Variants in MAP2K6 observed in about 807,000 individuals in gnomAD.
MAP2K6 encodes the protein mitogen-activated protein kinase kinase 6, also known as dual specificity mitogen-activated protein kinase kinase 6.
A neutral mutation model predicts 53.7 loss-of-function variants in MAP2K6; 16 were observed. The observed-to-expected ratio is 0.30, with a 90% CI of 0.20 to 0.45. The LOEUF is 0.45. Among genes scored for constraint, MAP2K6 ranks in the 20% least tolerant of loss-of-function variants. The probability of loss-of-function intolerance (pLI) is 1.00; values close to 1 mark genes in which losing one functional copy is unlikely to be tolerated. For missense variants in MAP2K6, 204 were observed against 411.9 expected (o/e 0.50, Z 4.37); for synonymous variants, 132 against 143.1 (o/e 0.92, Z 0.55).
chr17:69,449,535 T>G (rs535782494), intron 1 of MAP2K6, among the ~76,000 whole-genome samples: 5 of 76,784 alleles, frequency 6.5e-5, no homozygotes, highest in East Asian at 3.1e-4. Flanking sequence ...TTCTTTGTCT[T>G]TCTTTCTTTC....
At chr17:69,416,134 C>G (rs192235853) in intron 1 of MAP2K6, among the ~76,000 whole-genome samples, 17 of 152,244 alleles carry the variant, frequency 1.1e-4, no homozygotes, top group Admixed American at 6.5e-4. Flanking sequence ...CTACCCGGGG[C>G]ACTCTTTGAG....
At chr17:69,444,792 TAAAAG>T (rs1414826411) in intron 1 of MAP2K6, among the ~76,000 whole-genome samples, 2 of 152,104 alleles carry the variant, frequency 1.3e-5, no homozygotes, top group Non-Finnish European at 2.9e-5. Context: ...TCACCAAACA[TAAAAG>T]GGAATGAAGA....
At chr17:69,507,082 C>T (rs116709453) in intron 2 of MAP2K6, among the ~76,000 whole-genome samples, 1 of 151,778 alleles carries the variant, frequency 6.6e-6, no homozygotes. Flanking sequence ...ATGTGGCCTA[C>T]TTTTACTACC....
At position 69,494,941 on chromosome 17, in the gene MAP2K6, G is replaced by T. The variant is rs533979392; in HGVS notation, c.17-10839G>T. ...CATCGCTTGAACCTGGGAGGTGGAGGTTGCCGTGAGCCGAGATCGCGACAT... is the reference window on the plus strand; with the variant it reads ...CATCGCTTGAACCTGGGAGGTGGAGTTTGCCGTGAGCCGAGATCGCGACAT... On this transcript the variant is annotated intron_variant, in intron 1 of 11. Transcript: ENST00000590474. This position sits in a 1 kb window ranked among gnomAD's most constrained non-coding sequence, Gnocchi z 4.2. Among the ~76,000 whole-genome samples the T allele has an allele frequency of 6.6e-6, 1 of 151,902 alleles. No individual in the cohort carries two copies. The highest frequency in any genetic ancestry group is 2.0e-4 in the East Asian group (1 of 5,124).
chr17:69,479,423 A>T (rs2145189897), intron 1 of MAP2K6, among the ~76,000 whole-genome samples: 1 of 152,232 alleles, frequency 6.6e-6, no homozygotes, highest in South Asian at 2.1e-4. Context: ...ATTACCTTCA[A>T]GCTATGTGTA....
intron 11 of MAP2K6, among the ~76,000 whole-genome samples, chr17:69,540,099 G>A (rs1352917774): frequency 1.3e-5 from 2 of 152,066 alleles, no homozygotes; most frequent in Non-Finnish European, 2.9e-5. Context: ...TTATTTCTTT[G>A]TTCCTTTCCC....
chr17:69,506,128 A>G (rs1188502757), intron 2 of MAP2K6, among the ~76,000 whole-genome samples: 1 of 152,232 alleles, frequency 6.6e-6, no homozygotes, highest in Admixed American at 6.5e-5. Context: ...AGGCCCCTGG[A>G]TGTGAACTTC....
chr17:69,446,506 C>T (rs1906967815), intron 1 of MAP2K6, among the ~76,000 whole-genome samples: 1 of 152,192 alleles, frequency 6.6e-6, no homozygotes, highest in Non-Finnish European at 1.5e-5. Flanking sequence ...TTACTGTATT[C>T]CAGAGCTCTC....
At chr17:69,497,185 T>C (rs147372231) in intron 1 of MAP2K6, among the ~76,000 whole-genome samples, 12 of 152,240 alleles carry the variant, frequency 7.9e-5, no homozygotes, top group African/African-American at 2.6e-4. Context: ...ACATGGGCCC[T>C]GACTTCAAAG....
At chr17:69,446,772 C>T (rs1414363377) in intron 1 of MAP2K6, among the ~76,000 whole-genome samples, 7 of 152,126 alleles carry the variant, frequency 4.6e-5, no homozygotes, top group Non-Finnish European at 8.8e-5. Context: ...CATGCACGAA[C>T]GCCTCCTCCA....
chr17:69,536,098 ATT>A lies in MAP2K6; in HGVS notation c.882-9_882-8del. The A allele has an allele frequency of 6.6e-7, 1 of 1,526,688 alleles. No individual in the cohort carries two copies. The highest frequency in any genetic ancestry group is 1.7e-5 in the Admixed American group (1 of 58,324). The allele number at this position is 1,526,688 out of a possible 1,614,324, so 94.6% of individuals were successfully genotyped here. A position where few individuals can be genotyped will look rare whatever the true frequency, so the allele number is the denominator to read the frequency against. On this transcript the variant is annotated splice_polypyrimidine_tract_variant and intron_variant, in intron 10 of 11. Transcript: ENST00000590474. ...ATATGGCTTCTAGATTTTAATGATT[ATT>A]TTTTTTTCTTTAAGCTTAAAGAAGA...
intron 7 of MAP2K6, among the ~76,000 whole-genome samples, chr17:69,522,890 C>CA (rs34231223): frequency 0.082 from 8,096 of 98,700 alleles, 488 homozygotes; most frequent in East Asian, 0.29. Flanking sequence ...TCCTGTCTGT[C>CA]AAAAAAAAAA....
At chr17:69,529,763 A>G (rs1910983645) in intron 10 of MAP2K6, among the ~76,000 whole-genome samples, 1 of 152,040 alleles carries the variant, frequency 6.6e-6, no homozygotes, top group Non-Finnish European at 1.5e-5. Context: ...GCCCCGCCTC[A>G]GCCTCCCAAA....
rs141045228 is a variant in MAP2K6, at chr17:69,522,435, T to G, written c.536-1079T>G. ...AATAATAAAATGAAATTTGTGTATC[T>G]TCTAGCTTAAAGGGAAAATTATAAA... On this transcript the variant is annotated intron_variant, in intron 7 of 11. Coordinates refer to ENST00000590474, the MANE Select transcript of MAP2K6 (RefSeq NM_002758.4). Among the ~76,000 whole-genome samples, 1,164 of 152,324 alleles carry G rather than the reference T, an allele frequency of 7.6e-3. 15 individuals carry two copies. Among genetic ancestry groups the G allele is most frequent in the African/African-American group, 0.027 (1,117 of 41,560 alleles).
Position 69,462,605 on chromosome 17 carries a change from C to T in MAP2K6, c.17-43175C>T, listed in dbSNP as rs547854587. Among the ~76,000 whole-genome samples, 56 of 152,240 alleles carry T rather than the reference C, an allele frequency of 3.7e-4. 1 individual carries two copies. The highest frequency in any genetic ancestry group is 1.2e-3 in the African/African-American group (49 of 41,548). ...TGTATAGGCCATGGATATTTTTGCC[C>T]TGCATACGTGACCCTGTGTGATTAA... On this transcript the variant is annotated intron_variant, in intron 1 of 11. Transcript: ENST00000590474.
intron 1 of MAP2K6, among the ~76,000 whole-genome samples, chr17:69,503,510 G>T (rs559296119): frequency 6.6e-6 from 1 of 152,326 alleles, no homozygotes; most frequent in South Asian, 2.1e-4. Context: ...CCCAAATGAG[G>T]AGAGAATTGA....
rs1489882947 is a variant in MAP2K6 at position 69,551,124 on chromosome 17, G to A, written c.*9371G>A. 1 of 152,200 alleles carries A rather than the reference G, an allele frequency of 6.6e-6. No homozygotes were observed. Among genetic ancestry groups the A allele is most frequent in the African/African-American group, 2.4e-5 (1 of 41,444 alleles). The allele number at this position is 152,200 out of a possible 1,614,324, so 9.4% of individuals were successfully genotyped here. A position where few individuals can be genotyped will look rare whatever the true frequency, so the allele number is the denominator to read the frequency against. Reference sequence around the variant, plus strand: ...TTCACCGTCTCAGTGACAAGGCGTGGAGTGACTGGGCTCTTCATATGCAGT... The same window carrying A: ...TTCACCGTCTCAGTGACAAGGCGTGAAGTGACTGGGCTCTTCATATGCAGT... On this transcript the variant is annotated 3_prime_UTR_variant, in exon 12 of 12. Transcript: ENST00000590474.
chr17:69,505,753 A>G (rs1319887239), intron 1 of MAP2K6, 27 bp from the exon 2 acceptor site: 1 of 1,598,388 alleles, frequency 6.3e-7, no homozygotes, highest in Non-Finnish European at 8.6e-7. Context: ...TTAGTCCTTA[A>G]CTTTTTCCTT....
intron 1 of MAP2K6, among the ~76,000 whole-genome samples, chr17:69,469,475 T>C (rs1184079169): frequency 6.6e-6 from 1 of 152,082 alleles, no homozygotes; most frequent in Non-Finnish European, 1.5e-5. Flanking sequence ...GAAAAGTATC[T>C]ATAGGGGTCC....
Sources: allele counts gnomAD v4.1 joint callset (sites outside exome capture counted in the v4.1 genomes callset), GRCh38; gene constraint gnomAD v4.1.1; non-coding constraint Gnocchi (gnomAD v3.1); transcripts MANE v1.5; gene names NCBI Gene and HGNC (gene_info 2026-07-23, HGNC 2026-07-21).